The following MYOM1 variants were observed in gnomAD, a reference collection of about 807,000 sequenced individuals.
MYOM1 encodes myomesin 1, also known as myomesin-1.
A neutral mutation model predicts 205.3 loss-of-function variants in MYOM1; 164 were observed. The observed-to-expected ratio is 0.80, with a 90% CI of 0.70 to 0.91. The LOEUF is 0.91. MYOM1 is among the 40% of genes least tolerant of loss of function. The pLI, the probability that MYOM1 is intolerant of heterozygous loss-of-function variation, is 0.00. For synonymous variants in MYOM1, 772 were observed against 789.4 expected (o/e 0.98, Z 0.37); for missense variants, 2,011 against 2,127.3 (o/e 0.95, Z 1.08).
intron 2 of MYOM1, among the ~76,000 whole-genome samples, chr18:3,194,314 A>G (rs1170625582): frequency 6.6e-6 from 1 of 152,216 alleles, no homozygotes; most frequent in East Asian, 1.9e-4. Context: ...GGTTTGATAC[A>G]TGGTGCATCC....
At chr18:3,089,362 C>A in intron 28 of MYOM1, 121 bp from the exon 29 acceptor site, 1 of 883,806 alleles carries the variant, frequency 1.1e-6, no homozygotes, top group Non-Finnish European at 1.7e-6. Context: ...CTAGATTTAG[C>A]TTTTAAATAT....
intron 23 of MYOM1, among the ~76,000 whole-genome samples, chr18:3,102,041 G>A (rs1192376280): frequency 3.4e-5 from 4 of 116,150 alleles, no homozygotes; most frequent in African/African-American, 1.4e-4. Flanking sequence ...TGGCTCTGTT[G>A]CCCAGGCTGG....
chr18:3,116,445 G>T lies in MYOM1; in HGVS notation c.3189C>A (p.Val1063=), dbSNP rs1060504727. The change falls in exon 21 of 38, where the codon GTC becomes GTA. Residue 1063 remains valine, a synonymous_variant. Transcript: ENST00000356443. The part of the protein sequence containing the change: ...DSLVLQWKPP[V]HSGRTPVTGY... ...CAGTGACCGGAGTCCGCCCGGAGTG[G>T]ACTGGCGGCTTCCACTGGAGAACCA... 1 of 1,612,600 alleles carries T rather than the reference G, an allele frequency of 6.2e-7. No homozygotes were observed. Among genetic ancestry groups the T allele is most frequent in the Non-Finnish European group, 8.5e-7 (1 of 1,179,282 alleles).
chr18:3,129,941 G>T (rs144961772), intron 17 of MYOM1, among the ~76,000 whole-genome samples: 2 of 152,148 alleles, frequency 1.3e-5, no homozygotes, highest in East Asian at 3.9e-4. Context: ...ATAACACCTC[G>T]AATTATGTGC....
chr18:3,205,974 G>A (rs1336404090), intron 2 of MYOM1, among the ~76,000 whole-genome samples: 1 of 152,206 alleles, frequency 6.6e-6, no homozygotes, highest in Non-Finnish European at 1.5e-5. Context: ...TTACGGTCTA[G>A]TAAGGGAGCA....
intron 5 of MYOM1, among the ~76,000 whole-genome samples, chr18:3,181,485 T>G (rs948335101): frequency 6.6e-6 from 1 of 152,218 alleles, no homozygotes; most frequent in Non-Finnish European, 1.5e-5. Flanking sequence ...AGCTGTTTTT[T>G]CTATGATAAT....
chr18:3,100,037 G>T, intron 25 of MYOM1, 122 bp downstream of exon 25: 3 of 1,004,252 alleles, frequency 3.0e-6, no homozygotes, highest in South Asian at 1.4e-5. Flanking sequence ...ACTGATGTGT[G>T]TTCCATTATA....
intron 3 of MYOM1, among the ~76,000 whole-genome samples, chr18:3,193,338 G>A (rs57773256): frequency 0.2 from 23,467 of 117,258 alleles, 3,370 homozygotes; most frequent in African/African-American, 0.48. Flanking sequence ...ACATATATAT[G>A]TACATATACA....
intron 2 of MYOM1, among the ~76,000 whole-genome samples, chr18:3,208,127 T>C (rs1337753553): frequency 6.6e-6 from 1 of 152,218 alleles, no homozygotes; most frequent in Non-Finnish European, 1.5e-5. Flanking sequence ...TCTCTCCCTG[T>C]GTTTACAGCT....
chr18:3,196,744 A>G (rs2080993439), intron 2 of MYOM1, among the ~76,000 whole-genome samples: 1 of 152,328 alleles, frequency 6.6e-6, no homozygotes, highest in South Asian at 2.1e-4. Flanking sequence ...GTAGGACATT[A>G]TCACATACAT....
chr18:3,124,673 G>C (rs113980636), intron 19 of MYOM1, among the ~76,000 whole-genome samples: 3 of 151,464 alleles, frequency 2.0e-5, no homozygotes, highest in Non-Finnish European at 4.4e-5. Flanking sequence ...TGTCTCTGTG[G>C]GGGGGGGTTA....
intron 27 of MYOM1, among the ~76,000 whole-genome samples, 199 bp from the exon 28 acceptor site, chr18:3,089,795 C>G (rs2079198082): frequency 6.6e-6 from 1 of 152,152 alleles, no homozygotes; most frequent in Admixed American, 6.6e-5. Context: ...AGCTAGGAAA[C>G]AGTGACATAA....
rs577634504 is a variant in MYOM1, at chr18:3,155,718, C to T, written c.1502-630G>A. The stretch of plus-strand genomic sequence containing the variant: ...TTGCATTCAGACAAGTCAGTTGTGC[C>T]AGAAAGTCTGTTCTCATGACATTGA... On this transcript the variant is annotated intron_variant, in intron 10 of 37. Transcript: ENST00000356443. 2.0e-4 allele frequency among the ~76,000 whole-genome samples: 30 copies of T among 152,220 alleles called. No individual in the cohort carries two copies. The South Asian group carries it at 4.6e-3, about 23-fold the overall frequency.
At position 3,112,254 on chromosome 18, in the gene MYOM1, C is replaced by A. The variant is rs55779127; in HGVS notation, c.3418+44G>T. Reference sequence around the variant, plus strand: ...GAAAGGCCGAACCTTAGTTCAGTATCTTACACAGATAGGATTAGTTTTAAT... The same window carrying A: ...GAAAGGCCGAACCTTAGTTCAGTATATTACACAGATAGGATTAGTTTTAAT... On this transcript the variant is annotated intron_variant, in intron 22 of 37. Transcript: ENST00000356443. 248,223 of 1,549,700 alleles carry A rather than the reference C, an allele frequency of 0.16. 21,891 individuals are homozygous for A. The highest frequency in any genetic ancestry group is 0.18 in the Non-Finnish European group (201,622 of 1,124,126).
chr18:3,107,413 G>C (rs745319725), intron 22 of MYOM1, among the ~76,000 whole-genome samples: 1 of 152,094 alleles, frequency 6.6e-6, no homozygotes, highest in Non-Finnish European at 1.5e-5. Context: ...CACCGCACCC[G>C]GCCAGGTTTA....
chr18:3,067,914 C>T (rs192718612), intron 37 of MYOM1, among the ~76,000 whole-genome samples: 199 of 152,214 alleles, frequency 1.3e-3, no homozygotes, highest in African/African-American at 4.5e-3. Context: ...GGTTCTGTCT[C>T]GGTACAGGAA....
chr18:3,141,289 T>C (rs2080045311), intron 14 of MYOM1, among the ~76,000 whole-genome samples: 1 of 152,238 alleles, frequency 6.6e-6, no homozygotes, highest in South Asian at 2.1e-4. Flanking sequence ...TCACATACCG[T>C]TCTCCTTCAT....
chr18:3,201,802 C>T (rs1009107973), intron 2 of MYOM1, among the ~76,000 whole-genome samples: 6 of 151,942 alleles, frequency 3.9e-5, no homozygotes, highest in Non-Finnish European at 7.4e-5. Flanking sequence ...CATCACCATG[C>T]CCAGCTAATT....
intron 13 of MYOM1, among the ~76,000 whole-genome samples, chr18:3,142,928 T>G (rs189949406): frequency 6.6e-6 from 1 of 152,132 alleles, no homozygotes; most frequent in Non-Finnish European, 1.5e-5. Context: ...TGGAAATACA[T>G]AGACTCCAGA....
Sources: allele counts gnomAD v4.1 joint callset (sites outside exome capture counted in the v4.1 genomes callset), GRCh38; gene constraint gnomAD v4.1.1; transcripts MANE v1.5; gene names NCBI Gene and HGNC (gene_info 2026-07-23, HGNC 2026-07-21).